VWA5A: variants seen among roughly 807,000 people sequenced by gnomAD.
VWA5A encodes von Willebrand factor A domain containing 5A, also known as von Willebrand factor A domain-containing protein 5A.
VWA5A carries 77 observed loss-of-function variants against 84.6 expected under a neutral mutation model. The ratio of observed to expected loss-of-function variants is 0.91; its 90% confidence interval spans 0.76 to 1.10. The LOEUF (loss-of-function observed/expected upper bound fraction) is 1.10, where lower values mean the gene tolerates loss of function less well. Ranked by LOEUF, VWA5A falls within the 50% of genes least tolerant of loss-of-function variation. The pLI, the probability that VWA5A is intolerant of heterozygous loss-of-function variation, is 0.00. For missense variants in VWA5A, 973 were observed against 963.0 expected (o/e 1.01, Z -0.14); for synonymous variants, 334 against 350.1 (o/e 0.95, Z 0.51).
rs117689747 is a variant in VWA5A, at chr11:124,145,351, C to T, written c.2269C>T (p.Arg757Cys). The T allele has an allele frequency of 0.023, 37,115 of 1,612,282 alleles. 503 individuals are homozygous for T. Among genetic ancestry groups the T allele is most frequent in the Non-Finnish European group, 0.027 (31,424 of 1,178,976 alleles). ...GGAAAGGAAGGCCGTGGCCTGGATG[C>T]GTGCCCATGCAGGTAGGAGCACAAT... ...LLERKAVAWM[R>C]AHAGSTMPSV... The change falls in exon 18 of 19, where the codon CGT becomes TGT. Residue 757 changes from arginine to cysteine, a missense_variant. Arg to Cys is a radical substitution (Grantham distance 180, BLOSUM62 -3). Coordinates refer to ENST00000456829, the MANE Select transcript of VWA5A (RefSeq NM_001130142.2).
Position 124,118,291 on chromosome 11 carries a change from C to T in VWA5A, c.349C>T (p.Leu117Phe), listed in dbSNP as rs145376199. ...RDVFSCNVGN[L>F]QPGSKAAVTL... ...TGTCTTCTCTTGCAATGTGGGTAAC[C>T]TCCAACCTGGGTCGAAGGCGGCAGT... The change falls in exon 5 of 19, where the codon CTC becomes TTC. Residue 117 changes from leucine to phenylalanine, a missense_variant. Physicochemically the swap from Leu to Phe is conservative, Grantham distance 22. Transcript: ENST00000456829. 2.8e-5 allele frequency: 46 copies of T among 1,614,050 alleles called. No individual in the cohort carries two copies. Among genetic ancestry groups the T allele is most frequent in the Non-Finnish European group, 3.7e-5 (44 of 1,180,044 alleles).
chr11:124,122,910 G>C lies in VWA5A; in HGVS notation c.761-50G>C. 2.6e-6 allele frequency: 4 copies of C among 1,551,906 alleles called. No homozygotes were observed. In the South Asian group the frequency reaches 3.7e-5, roughly 14 times the overall value. ...ACTACCATTGATTCTTAGGTACTAG[G>C]ATTCTTGAGTTCCTTTTTGTCTTAC... On this transcript the variant is annotated intron_variant, in intron 7 of 18. Transcript: ENST00000456829.
intron 11 of VWA5A, among the ~76,000 whole-genome samples, chr11:124,132,806 T>C (rs919836701): frequency 6.6e-6 from 1 of 152,166 alleles, no homozygotes; most frequent in Non-Finnish European, 1.5e-5. Flanking sequence ...CTTGGGTTCA[T>C]TGGCCATCCT....
rs1860785006 is a variant in VWA5A at position 124,144,634 on chromosome 11, ACT to A, written c.2155-600_2155-599del. On this transcript the variant is annotated intron_variant, in intron 17 of 18. Transcript: ENST00000456829. ...AATAGGAATTTCCCTTGATCTCCTG[ACT>A]CTGAAAGCTGAAGCTGGGAGCAGTG... 2.0e-5 allele frequency among the ~76,000 whole-genome samples: 3 copies of A among 152,132 alleles called. No homozygotes were observed. In the South Asian group the frequency reaches 6.2e-4, roughly 31 times the overall value.
rs899839829 is a variant in VWA5A, at chr11:124,118,202, A to G, written c.260A>G (p.Tyr87Cys). Residue 87 changes from tyrosine to cysteine, a missense_variant, in exon 5 of 19, where the codon TAT becomes TGT. Physicochemically the swap from Tyr to Cys is radical, Grantham distance 194. Transcript: ENST00000456829. ...LQDKMKARTN[Y>C]EKAISQGHQA... is the part of the protein sequence containing the mutation. ...TGTGCTTCTCAGGCCCGCACCAACT[A>G]TGAGAAAGCCATCTCCCAGGGCCAC... 5.6e-6 allele frequency: 9 copies of G among 1,613,780 alleles called. No individual in the cohort carries two copies. The African/African-American group carries it at 1.1e-4, about 19-fold the overall frequency.
chr11:124,125,080 A>G (rs1864998655), intron 11 of VWA5A, among the ~76,000 whole-genome samples: 1 of 152,208 alleles, frequency 6.6e-6, no homozygotes, highest in Admixed American at 6.5e-5. Context: ...GTATATGCAT[A>G]CATACCTATT....
chr11:124,140,617 C>A (rs907341788), intron 15 of VWA5A, among the ~76,000 whole-genome samples: 23 of 152,034 alleles, frequency 1.5e-4, no homozygotes, highest in Admixed American at 7.9e-4. Flanking sequence ...ACATGCACCA[C>A]CATGCCTGGC....
intron 6 of VWA5A, 51 bp downstream of exon 6, chr11:124,118,759 T>G: frequency 6.4e-7 from 1 of 1,568,912 alleles, no homozygotes; most frequent in Admixed American, 1.9e-5. Context: ...TGCTTGAGTC[T>G]TGACTTGGTC....
In VWA5A at chr11:124,136,677, G is replaced by C. The variant is rs963470553; in HGVS notation, c.1625+3G>C. 1 of 1,607,780 alleles carries C rather than the reference G, an allele frequency of 6.2e-7. No individual in the cohort carries two copies. The highest frequency in any genetic ancestry group is 8.5e-7 in the Non-Finnish European group (1 of 1,176,250). ...CTACAACCCAAGCCTGATGTCAAGT[G>C]AGAATTCAGTTTTCCCTTCCTTCCT... On this transcript the variant is annotated splice_donor_region_variant and intron_variant, in intron 14 of 18. Transcript: ENST00000456829.
chr11:124,123,138 A>G lies in VWA5A; in HGVS notation c.930+9A>G, dbSNP rs57719245. 9.5e-3 allele frequency: 15,326 copies of G among 1,608,188 alleles called. 1,214 individuals carry two copies. The African/African-American group carries it at 0.18, about 18-fold the overall frequency. On this transcript the variant is annotated intron_variant, in intron 8 of 18. Coordinates refer to ENST00000456829, the MANE Select transcript of VWA5A (RefSeq NM_001130142.2). Reference sequence around the variant, plus strand: ...GAATACAGGCAGCCAAGGTAAAGCTAGTTTCTTTCCTCTTCTGGGTCACAT... The same window carrying G: ...GAATACAGGCAGCCAAGGTAAAGCTGGTTTCTTTCCTCTTCTGGGTCACAT...
At chr11:124,132,809 G>A (rs1865117571) in intron 11 of VWA5A, among the ~76,000 whole-genome samples, 1 of 151,844 alleles carries the variant, frequency 6.6e-6, no homozygotes, top group Non-Finnish European at 1.5e-5. Flanking sequence ...GGGTTCATTG[G>A]CCATCCTTTT....
chr11:124,146,120 T>C lies in VWA5A; in HGVS notation c.*175T>C. 1.7e-6 allele frequency: 1 copy of C among 602,494 alleles called. No individual in the cohort carries two copies. Among genetic ancestry groups the C allele is most frequent in the Non-Finnish European group, 2.8e-6 (1 of 361,360 alleles). The allele number at this position is 602,494 out of a possible 1,614,324, so 37.3% of individuals were successfully genotyped here. A position where few individuals can be genotyped will look rare whatever the true frequency, so the allele number is the denominator to read the frequency against. On this transcript the variant is annotated 3_prime_UTR_variant, in exon 19 of 19. Coordinates refer to ENST00000456829, the MANE Select transcript of VWA5A (RefSeq NM_001130142.2). ...TCCAGGTTCACTTTGGATATGATCT[T>C]TCTTTTCCCAACATATGCCCTCAGA...
chr11:124,122,179 C>T lies in VWA5A; in HGVS notation c.761-781C>T, dbSNP rs902132566. The stretch of plus-strand genomic sequence containing the variant: ...ATAAAGGAATTTAATTATATAGCCT[C>T]TTATATTTTCTGTAAAGCTGGAGTT... On this transcript the variant is annotated intron_variant, in intron 7 of 18. Coordinates refer to ENST00000456829, the MANE Select transcript of VWA5A (RefSeq NM_001130142.2). Among the ~76,000 whole-genome samples the T allele has an allele frequency of 8.5e-5, 13 of 152,326 alleles. 1 individual carries two copies. Among genetic ancestry groups the T allele is most frequent in the Non-Finnish European group, 5.9e-5 (4 of 68,020 alleles).
At chr11:124,127,366 A>C (rs1458994520) in intron 11 of VWA5A, among the ~76,000 whole-genome samples, 2 of 152,144 alleles carry the variant, frequency 1.3e-5, no homozygotes, top group Non-Finnish European at 2.9e-5. Flanking sequence ...TTATGGCTGC[A>C]TAGTATTCCA....
Position 124,142,587 on chromosome 11 carries a change from A to G in VWA5A, c.2154+15A>G, listed in dbSNP as rs1446824715. 6.2e-7 allele frequency: 1 copy of G among 1,613,264 alleles called. No homozygotes were observed. Among genetic ancestry groups the G allele is most frequent in the African/African-American group, 1.3e-5 (1 of 74,916 alleles). ...AGCCTGCCGAGGTAAGATTCAATGG[A>G]AAAAGGAGTATGTATGTTTTTGAGA... On this transcript the variant is annotated intron_variant, in intron 17 of 18. Coordinates refer to ENST00000456829, the MANE Select transcript of VWA5A (RefSeq NM_001130142.2).
intron 7 of VWA5A, 54 bp from the exon 8 acceptor site, chr11:124,122,906 C>T (rs113394788): frequency 1.2e-4 from 188 of 1,535,166 alleles, no homozygotes; most frequent in Non-Finnish European, 2.0e-5. Context: ...TTCTTAGGTA[C>T]TAGGATTCTT....
intron 16 of VWA5A, 88 bp from the exon 17 acceptor site, chr11:124,142,352 GTC>G: frequency 6.6e-7 from 1 of 1,521,468 alleles, no homozygotes; most frequent in Non-Finnish European, 8.9e-7. Flanking sequence ...GCTATGGCCT[GTC>G]TCTGAATTTA....
intron 15 of VWA5A, among the ~76,000 whole-genome samples, chr11:124,139,543 T>C (rs958991686): frequency 6.6e-5 from 10 of 152,168 alleles, no homozygotes; most frequent in African/African-American, 2.4e-4. Flanking sequence ...GTTTTAATTA[T>C]TTTGTAGCCA....
chr11:124,141,836 AG>A, intron 16 of VWA5A, 95 bp downstream of exon 16: 11 of 1,480,980 alleles, frequency 7.4e-6, no homozygotes, highest in Non-Finnish European at 8.2e-6. Context: ...AGCTATGACA[AG>A]AGATGCATGT....
Sources: allele counts gnomAD v4.1 joint callset (sites outside exome capture counted in the v4.1 genomes callset), GRCh38; gene constraint gnomAD v4.1.1; transcripts MANE v1.5; gene names NCBI Gene and HGNC (gene_info 2026-07-23, HGNC 2026-07-21).